Variants in DRC11 observed in about 807,000 individuals in gnomAD.
DRC11 encodes dynein regulatory complex subunit 11, also known as IQ and AAA domain-containing protein 1.
At chr2:236,442,285 T>C in the DRC11 span, among the ~76,000 whole-genome samples, 114 of 152,276 alleles carry the variant, frequency 7.5e-4, 1 homozygote, top group Non-Finnish European at 1.2e-4. Flanking sequence ...TCAAGTCTCT[T>C]TTGTGTCTGG....
the DRC11 span, among the ~76,000 whole-genome samples, chr2:236,429,809 C>T: frequency 1.3e-5 from 2 of 152,072 alleles, no homozygotes; most frequent in Non-Finnish European, 2.9e-5. This position sits in a 1 kb window ranked among gnomAD's most constrained non-coding sequence, Gnocchi z 5.9. Flanking sequence ...ACTCAGGCAC[C>T]TGGAGACTGT....
At chr2:236,396,616 T>G in the DRC11 span, among the ~76,000 whole-genome samples, 14 of 152,236 alleles carry the variant, frequency 9.2e-5, no homozygotes, top group South Asian at 2.9e-3. Flanking sequence ...GCATTAGATT[T>G]CTCTAATGCT....
the DRC11 span, among the ~76,000 whole-genome samples, chr2:236,451,432 C>G: frequency 2.0e-5 from 3 of 151,944 alleles, no homozygotes; most frequent in Non-Finnish European, 4.4e-5. Context: ...TTCATTCATT[C>G]CTTCATAACA....
the DRC11 span, among the ~76,000 whole-genome samples, chr2:236,453,874 A>C: frequency 3.7e-3 from 567 of 152,088 alleles, 4 homozygotes; most frequent in African/African-American, 0.013. The surrounding 1 kb of genome is among the most constrained non-coding windows in gnomAD (Gnocchi z 4.9). Context: ...ACTCCTGACC[A>C]CAGGTGATCC....
At chr2:236,453,070 G>A in the DRC11 span, among the ~76,000 whole-genome samples, 8 of 152,074 alleles carry the variant, frequency 5.3e-5, no homozygotes, top group African/African-American at 1.4e-4. The surrounding 1 kb of genome is among the most constrained non-coding windows in gnomAD (Gnocchi z 4.9). Context: ...TCTCTTCACC[G>A]ACCCATCGTT....
At chr2:236,321,349 T>C in the DRC11 span, among the ~76,000 whole-genome samples, 5 of 152,138 alleles carry the variant, frequency 3.3e-5, no homozygotes, top group Non-Finnish European at 1.5e-5. Flanking sequence ...TATGTGCTGA[T>C]ATGAAACAAT....
At chr2:236,383,313 T>C in the DRC11 span, among the ~76,000 whole-genome samples, 1 of 152,212 alleles carries the variant, frequency 6.6e-6, no homozygotes, top group African/African-American at 2.4e-5. Context: ...GTTCTATTTC[T>C]GAAGGTATTT....
chr2:236,311,670 T>C, the DRC11 span, among the ~76,000 whole-genome samples: 1 of 151,766 alleles, frequency 6.6e-6, no homozygotes, highest in Non-Finnish European at 1.5e-5. The surrounding 1 kb of genome is among the most constrained non-coding windows in gnomAD (Gnocchi z 6.9). Context: ...CAGGCAGCAC[T>C]GTGGGCTTGG....
chr2:236,507,278 T>C, the DRC11 span: 4 of 1,613,986 alleles, frequency 2.5e-6, no homozygotes, highest in Non-Finnish European at 3.4e-6. Flanking sequence ...TGCTGGCTAC[T>C]TTCCCTCTTT....
the DRC11 span, among the ~76,000 whole-genome samples, chr2:236,454,301 G>A: frequency 2.0e-5 from 3 of 152,152 alleles, no homozygotes; most frequent in Admixed American, 2.0e-4. This position sits in a 1 kb window ranked among gnomAD's most constrained non-coding sequence, Gnocchi z 5.3. Flanking sequence ...TGTGACGACC[G>A]ACATCAAAAC....
the DRC11 span, among the ~76,000 whole-genome samples, chr2:236,493,599 CA>C: frequency 2.6e-5 from 4 of 152,068 alleles, no homozygotes; most frequent in African/African-American, 4.8e-5. Context: ...TATATATCAC[CA>C]AAAGCACATC....
the DRC11 span, among the ~76,000 whole-genome samples, chr2:236,360,272 C>A: frequency 2.6e-5 from 4 of 152,128 alleles, no homozygotes; most frequent in Non-Finnish European, 5.9e-5. The surrounding 1 kb of genome is among the most constrained non-coding windows in gnomAD (Gnocchi z 5.8). Context: ...GCACTGCAAC[C>A]AGGAAAATTA....
At chr2:236,349,906 G>A in the DRC11 span, among the ~76,000 whole-genome samples, 417 of 152,264 alleles carry the variant, frequency 2.7e-3, no homozygotes, top group South Asian at 7.5e-3. The surrounding 1 kb of genome is among the most constrained non-coding windows in gnomAD (Gnocchi z 5.5). Flanking sequence ...AAAAGCAACC[G>A]TCTCTTGTCT....
the DRC11 span, among the ~76,000 whole-genome samples, chr2:236,310,582 GA>G: frequency 6.6e-6 from 1 of 152,208 alleles, no homozygotes; most frequent in African/African-American, 2.4e-5. This position sits in a 1 kb window ranked among gnomAD's most constrained non-coding sequence, Gnocchi z 5.5. Flanking sequence ...ACTTGGGGTT[GA>G]GTGTTCTCAA....
chr2:236,491,240 T>TATATACAC, the DRC11 span, among the ~76,000 whole-genome samples: 1 of 52,528 alleles, frequency 1.9e-5, no homozygotes, highest in Non-Finnish European at 3.5e-5. Context: ...TATATATATA[T>TATATACAC]ACACAGTATA....
chr2:236,384,911 A>G, the DRC11 span, among the ~76,000 whole-genome samples: 11,164 of 151,614 alleles, frequency 0.074, 651 homozygotes, highest in African/African-American at 0.15. Flanking sequence ...CATTTATTAA[A>G]TAGGGAATCC....
chr2:236,378,303 T>C, the DRC11 span, among the ~76,000 whole-genome samples: 1 of 152,220 alleles, frequency 6.6e-6, no homozygotes. Context: ...TGAATACTTA[T>C]TTAATATAAA....
At chr2:236,471,518 A>T in the DRC11 span, among the ~76,000 whole-genome samples, 1 of 152,202 alleles carries the variant, frequency 6.6e-6, no homozygotes, top group Non-Finnish European at 1.5e-5. This position sits in a 1 kb window ranked among gnomAD's most constrained non-coding sequence, Gnocchi z 4.6. Flanking sequence ...AGGACTTTTG[A>T]ATTATGAATG....
chr2:236,314,039 C>T, the DRC11 span, among the ~76,000 whole-genome samples: 4 of 152,060 alleles, frequency 2.6e-5, no homozygotes, highest in African/African-American at 4.8e-5. The surrounding 1 kb of genome is among the most constrained non-coding windows in gnomAD (Gnocchi z 4.5). Flanking sequence ...AAACTTAATA[C>T]ATATGCATAT....
Sources: gnomAD v4.1 joint callset for allele counts (sites outside exome capture counted in the v4.1 genomes callset) on GRCh38, gnomAD v4.1.1 for gene constraint, Gnocchi (gnomAD v3.1) non-coding constraint, MANE v1.5 for transcripts, NCBI Gene and HGNC (gene_info 2026-07-23, HGNC 2026-07-21) for gene names.